Variants in VSTM5 observed in about 807,000 individuals in gnomAD.
VSTM5 encodes V-set and transmembrane domain containing 5, also known as V-set and transmembrane domain-containing protein 5.
Under a neutral mutation model 20.3 loss-of-function variants are expected in VSTM5, and 21 were observed. The observed-to-expected ratio is 1.03, with a 90% CI of 0.73 to 1.49. The LOEUF is 1.49. VSTM5 is among the 40% of genes most tolerant of loss of function. The pLI is 0.00. For missense variants in VSTM5, 219 were observed against 250.0 expected, an observed-to-expected ratio of 0.88 and a Z score of 0.84; for synonymous variants, 100 against 102.5, an observed-to-expected ratio of 0.98 and a Z score of 0.14.
At position 93,836,999 on chromosome 11, in the gene VSTM5, GA is replaced by G. The variant is rs572918814; in HGVS notation, c.91+13412del. Among the ~76,000 whole-genome samples the G allele has an allele frequency of 8.4e-5, 9 of 106,614 alleles. No individual in the cohort carries two copies. The South Asian group carries it at 1.0e-3, about 12-fold the overall frequency. 69.9% of individuals were successfully genotyped at this position (106,614 alleles called of 152,430 possible). On this transcript the variant is annotated intron_variant, in intron 1 of 3. Coordinates refer to ENST00000409977, the MANE Select transcript of VSTM5 (RefSeq NM_001144871.2). ...CCTATTTGCTTCCTTCTTTTTGCCT[GA>G]AAAAAAAAATGCACACACACACACA...
intron 1 of VSTM5, among the ~76,000 whole-genome samples, chr11:93,825,651 G>T (rs1293960913): frequency 6.6e-6 from 1 of 151,748 alleles, no homozygotes; most frequent in Non-Finnish European, 1.5e-5. Context: ...ACAGTTTTCA[G>T]TATATAGACT....
intron 1 of VSTM5, among the ~76,000 whole-genome samples, chr11:93,846,091 A>G (rs1944408673): frequency 6.6e-6 from 1 of 152,230 alleles, no homozygotes; most frequent in Admixed American, 6.5e-5. Context: ...CAAGTGATCA[A>G]GTGATCCTCC....
chr11:93,836,391 T>TGACTGGCCAGGTGTCATTTGGC (rs1944322494), intron 1 of VSTM5, among the ~76,000 whole-genome samples: 1 of 152,228 alleles, frequency 6.6e-6, no homozygotes, highest in Non-Finnish European at 1.5e-5. Context: ...TTCAAAGGCT[T>TGACTGGCCAGGTGTCATTTGGC]GACTGGCCAG....
In VSTM5 at chr11:93,824,767, C is replaced by A. The variant is rs552296584; in HGVS notation, c.92-3444G>T. On this transcript the variant is annotated intron_variant, in intron 1 of 3. Coordinates refer to ENST00000409977, the MANE Select transcript of VSTM5 (RefSeq NM_001144871.2). Reference sequence around the variant, plus strand: ...AGACCAATGTCAAGAAGTTTTTCCCCTATTTTCCCTTCTAGGAGTTTTATG... The same window carrying A: ...AGACCAATGTCAAGAAGTTTTTCCCATATTTTCCCTTCTAGGAGTTTTATG... Among the ~76,000 whole-genome samples the A allele has an allele frequency of 5.9e-5, 9 of 152,294 alleles. No individual in the cohort carries two copies. The South Asian group carries it at 1.0e-3, about 18-fold the overall frequency.
intron 1 of VSTM5, among the ~76,000 whole-genome samples, chr11:93,834,574 C>T (rs1020775212): frequency 7.2e-6 from 1 of 138,888 alleles, no homozygotes; most frequent in Non-Finnish European, 1.5e-5. Flanking sequence ...GCCAGGAATT[C>T]GAGACTAACT....
intron 1 of VSTM5, among the ~76,000 whole-genome samples, chr11:93,830,418 G>C (rs1170159971): frequency 6.6e-6 from 1 of 152,222 alleles, no homozygotes; most frequent in African/African-American, 2.4e-5. Flanking sequence ...GTAGTAAGAA[G>C]TGGGCATGTG....
At chr11:93,826,925 A>C (rs2135731648) in intron 1 of VSTM5, among the ~76,000 whole-genome samples, 1 of 152,130 alleles carries the variant, frequency 6.6e-6, no homozygotes, top group East Asian at 1.9e-4. Context: ...GTTTCATATT[A>C]CTGTGGTCAG....
At chr11:93,831,163 A>C (rs1399985514) in intron 1 of VSTM5, among the ~76,000 whole-genome samples, 1 of 151,904 alleles carries the variant, frequency 6.6e-6, no homozygotes, top group Non-Finnish European at 1.5e-5. Context: ...GAGTTCAAGC[A>C]ATCCTCCCAC....
chr11:93,833,634 T>C (rs1271806494), intron 1 of VSTM5, among the ~76,000 whole-genome samples: 3 of 152,174 alleles, frequency 2.0e-5, no homozygotes, highest in African/African-American at 7.2e-5. Context: ...TGGAAAATGT[T>C]GGTATAAACT....
chr11:93,849,090 C>G (rs1033246227), intron 1 of VSTM5, among the ~76,000 whole-genome samples: 5 of 152,044 alleles, frequency 3.3e-5, no homozygotes, highest in Admixed American at 2.0e-4. Flanking sequence ...AATGTTAGAT[C>G]GTTCAGTCAC....
At position 93,820,011 on chromosome 11, in the gene VSTM5, CA is replaced by C. The variant is rs1470293723; in HGVS notation, c.*557del. 6.4e-6 allele frequency: 1 copy of C among 156,460 alleles called. No individual in the cohort carries two copies. The highest frequency in any genetic ancestry group is 1.4e-5 in the Non-Finnish European group (1 of 71,108). The allele number at this position is 156,460 out of a possible 1,614,324, so 9.7% of individuals were successfully genotyped here. A position where few individuals can be genotyped will look rare whatever the true frequency, so the allele number is the denominator to read the frequency against. On this transcript the variant is annotated 3_prime_UTR_variant, in exon 4 of 4. Coordinates refer to ENST00000409977, the MANE Select transcript of VSTM5 (RefSeq NM_001144871.2). ...GCACAACAGCACCAACCCCCACCCC[CA>C]GTCTCTTTCCACCTCTGCTCTGAGG...
At chr11:93,820,970 G>A in intron 2 of VSTM5, 27 bp downstream of exon 2, 3 of 1,550,904 alleles carry the variant, frequency 1.9e-6, no homozygotes, top group Non-Finnish European at 2.6e-6. Flanking sequence ...AGTTCAGAGG[G>A]GTGCCCGGGG....
intron 1 of VSTM5, among the ~76,000 whole-genome samples, chr11:93,833,713 C>T (rs1801778644): frequency 6.6e-6 from 1 of 152,168 alleles, no homozygotes; most frequent in African/African-American, 2.4e-5. Flanking sequence ...ACTCTCCTCT[C>T]TCAACAACGT....
chr11:93,831,505 C>G (rs1425061379), intron 1 of VSTM5, among the ~76,000 whole-genome samples: 3 of 152,160 alleles, frequency 2.0e-5, no homozygotes, highest in African/African-American at 7.2e-5. Context: ...TCACAGGTAC[C>G]CATACCTCCT....
At chr11:93,849,519 G>C (rs543795839) in intron 1 of VSTM5, among the ~76,000 whole-genome samples, 82 of 152,316 alleles carry the variant, frequency 5.4e-4, no homozygotes, top group African/African-American at 1.9e-3. Context: ...GTTTATTAGG[G>C]TTGCCCTAAG....
chr11:93,837,813 T>C (rs1944335966), intron 1 of VSTM5, among the ~76,000 whole-genome samples: 1 of 152,156 alleles, frequency 6.6e-6, no homozygotes, highest in Non-Finnish European at 1.5e-5. Context: ...ATACATGGTG[T>C]GCCTCAGGCT....
intron 1 of VSTM5, among the ~76,000 whole-genome samples, chr11:93,840,674 C>A (rs1190490180): frequency 6.6e-6 from 1 of 152,138 alleles, no homozygotes; most frequent in Non-Finnish European, 1.5e-5. Flanking sequence ...CCCTCCACCC[C>A]CTTCAAAACT....
At chr11:93,838,436 C>A (rs1944341720) in intron 1 of VSTM5, among the ~76,000 whole-genome samples, 1 of 152,056 alleles carries the variant, frequency 6.6e-6, no homozygotes, top group Non-Finnish European at 1.5e-5. Flanking sequence ...CAGGCCACTG[C>A]ACTCCAGCCT....
intron 1 of VSTM5, among the ~76,000 whole-genome samples, chr11:93,838,750 A>G (rs1944345181): frequency 6.6e-6 from 1 of 152,016 alleles, no homozygotes; most frequent in East Asian, 1.9e-4. Flanking sequence ...GTGAGCTGAG[A>G]TTGCACCACT....
Sources: allele counts gnomAD v4.1 joint callset (sites outside exome capture counted in the v4.1 genomes callset), GRCh38; gene constraint gnomAD v4.1.1; transcripts MANE v1.5; gene names NCBI Gene and HGNC (gene_info 2026-07-23, HGNC 2026-07-21).